Variants in ZEB1 observed in about 807,000 individuals in gnomAD.
The protein encoded by ZEB1 is zinc finger E-box binding homeobox 1.
In ZEB1, 21 loss-of-function variants were observed where a neutral mutation model predicts 84.9. That is an observed-to-expected ratio of 0.25 (90% CI 0.18 to 0.36). ZEB1 has a LOEUF of 0.36. ZEB1 is among the 10% of genes least tolerant of loss of function. The pLI is 1.00. For synonymous variants in ZEB1, 420 were observed against 471.1 expected (o/e 0.89, Z 1.41); for missense variants, 1,104 against 1,330.2 (o/e 0.83, Z 2.65).
chr10:31,526,609 AC>A, intron 8 of ZEB1, 62 bp from the exon 9 acceptor site: 1 of 1,586,652 alleles, frequency 6.3e-7, no homozygotes, highest in Non-Finnish European at 8.6e-7. Context: ...TACCCCAAAA[AC>A]CGTATAAGGA....
At position 31,473,280 on chromosome 10, in the gene ZEB1, C is replaced by T. The variant is rs1304513267; in HGVS notation, c.259+12043C>T. Among the ~76,000 whole-genome samples, 228 of 149,082 alleles carry T rather than the reference C, an allele frequency of 1.5e-3. 2 individuals are homozygous for T. The highest frequency in any genetic ancestry group is 4.7e-3 in the African/African-American group (191 of 40,322). ...GAGGAAGTCAAATTGTCCCTGTTTGCAGACGACATGATTGTATATCTAGAA... is the reference window on the plus strand; with the variant it reads ...GAGGAAGTCAAATTGTCCCTGTTTGTAGACGACATGATTGTATATCTAGAA... On this transcript the variant is annotated intron_variant, in intron 2 of 8. Coordinates refer to ENST00000424869, the MANE Select transcript of ZEB1 (RefSeq NM_001174096.2).
At chr10:31,452,742 T>TGTGTGTGTGTGAGAGAGAGA (rs1387786622) in intron 1 of ZEB1, among the ~76,000 whole-genome samples, 1 of 90,736 alleles carries the variant, frequency 1.1e-5, no homozygotes, top group African/African-American at 5.1e-5. Context: ...TGTGTGTGTG[T>TGTGTGTGTGTGAGAGAGAGA]GAGAGAGAGA....
intron 1 of ZEB1, among the ~76,000 whole-genome samples, chr10:31,402,091 TTTGTTGTTGTTGTTGTTGCTGTTGTTG>T (rs2052137699): frequency 6.6e-6 from 1 of 151,338 alleles, no homozygotes; most frequent in South Asian, 2.1e-4. Context: ...AAGTCAGTAT[TTTGTTGTTGTTGTTGTTGCTGTTGTTG>T]TTGTTGTTGT....
At chr10:31,494,801 C>T (rs1482564767) in intron 2 of ZEB1, among the ~76,000 whole-genome samples, 1 of 151,688 alleles carries the variant, frequency 6.6e-6, no homozygotes, top group Non-Finnish European at 1.5e-5. Flanking sequence ...TTTTGCTTGT[C>T]CAAAAAGTAT....
intron 1 of ZEB1, among the ~76,000 whole-genome samples, chr10:31,427,518 CTCTG>C (rs1368881692): frequency 2.6e-5 from 4 of 152,084 alleles, no homozygotes; most frequent in African/African-American, 7.2e-5. Flanking sequence ...CCTCCCTTTC[CTCTG>C]TCTGAGACAT....
chr10:31,522,417 A>T lies in ZEB1; in HGVS notation c.2604+481A>T, dbSNP rs190764483. 1.1e-4 allele frequency among the ~76,000 whole-genome samples: 17 copies of T among 152,350 alleles called. 1 individual carries two copies. The highest frequency in any genetic ancestry group is 9.8e-4 in the Admixed American group (15 of 15,302). On this transcript the variant is annotated intron_variant, in intron 7 of 8. Transcript: ENST00000424869. Reference sequence around the variant, plus strand: ...AAAAGGTTTTAATTAAATAAACAGGAATGAAGTATACAAAGAACGCATCTT... The same window carrying T: ...AAAAGGTTTTAATTAAATAAACAGGTATGAAGTATACAAAGAACGCATCTT...
chr10:31,410,531 G>A (rs996148351), intron 1 of ZEB1, among the ~76,000 whole-genome samples: 2 of 152,134 alleles, frequency 1.3e-5, no homozygotes, highest in African/African-American at 2.4e-5. Context: ...AATGAGTTAG[G>A]GAGGAGTCCC....
chr10:31,372,787 A>G (rs1049226978), intron 1 of ZEB1, among the ~76,000 whole-genome samples: 7 of 151,946 alleles, frequency 4.6e-5, no homozygotes, highest in African/African-American at 1.7e-4. Flanking sequence ...AATTTGGGTT[A>G]TAGGATAATT....
At chr10:31,486,195 G>A (rs1160463928) in intron 2 of ZEB1, among the ~76,000 whole-genome samples, 1 of 151,762 alleles carries the variant, frequency 6.6e-6, no homozygotes, top group African/African-American at 2.4e-5. Context: ...GTAAACATTA[G>A]TATACAGGTT....
chr10:31,505,192 A>G (rs906110404), intron 4 of ZEB1, among the ~76,000 whole-genome samples: 15 of 151,992 alleles, frequency 9.9e-5, no homozygotes. Flanking sequence ...GTTTGTGAAT[A>G]TTTTTTTGAG....
chr10:31,411,662 A>C (rs1364231314), intron 1 of ZEB1, among the ~76,000 whole-genome samples: 1 of 144,782 alleles, frequency 6.9e-6, no homozygotes. Context: ...AAAAAGCAGC[A>C]TTAGGAGAGA....
At chr10:31,475,295 T>A (rs148705238) in intron 2 of ZEB1, among the ~76,000 whole-genome samples, 1 of 151,444 alleles carries the variant, frequency 6.6e-6, no homozygotes, top group East Asian at 1.9e-4. Context: ...AAATACAGGA[T>A]TATGTAAAGC....
intron 1 of ZEB1, among the ~76,000 whole-genome samples, chr10:31,443,321 A>C (rs2059276187): frequency 6.7e-6 from 1 of 150,156 alleles, no homozygotes; most frequent in Non-Finnish European, 1.5e-5. Flanking sequence ...TTTTGACTTG[A>C]TTTTTTTCTG....
At chr10:31,524,160 G>A (rs2072936879) in intron 8 of ZEB1, 47 bp downstream of exon 8, 1 of 1,555,004 alleles carries the variant, frequency 6.4e-7, no homozygotes, top group Non-Finnish European at 8.8e-7. Context: ...ATGATATACT[G>A]GAAGATGCAA....
chr10:31,460,553 G>A (rs141512508), intron 1 of ZEB1, among the ~76,000 whole-genome samples: 18 of 152,096 alleles, frequency 1.2e-4, no homozygotes, highest in Admixed American at 5.3e-4. Context: ...AAGCAATATC[G>A]TATGCTGTAG....
intron 5 of ZEB1, among the ~76,000 whole-genome samples, chr10:31,513,637 A>G (rs1229757246): frequency 4.6e-5 from 7 of 152,202 alleles, no homozygotes; most frequent in Admixed American, 4.6e-4. Flanking sequence ...CTGGAAGAGC[A>G]TGAAGCAGTA....
At chr10:31,459,938 G>A (rs745669492) in intron 1 of ZEB1, among the ~76,000 whole-genome samples, 1 of 149,546 alleles carries the variant, frequency 6.7e-6, no homozygotes, top group Non-Finnish European at 1.5e-5. Context: ...TTCAAGAATT[G>A]TTGGAAAATT....
chr10:31,459,576 T>G (rs2061596546), intron 1 of ZEB1, among the ~76,000 whole-genome samples: 1 of 152,058 alleles, frequency 6.6e-6, no homozygotes, highest in South Asian at 2.1e-4. Flanking sequence ...AGAAAACCAT[T>G]TACTCTTGGG....
intron 1 of ZEB1, among the ~76,000 whole-genome samples, chr10:31,364,030 AC>A (rs1278745103): frequency 1.3e-5 from 2 of 152,150 alleles, no homozygotes; most frequent in Non-Finnish European, 2.9e-5. Context: ...GGAACAAAAT[AC>A]GCTTAGCGAG....
Sources: allele counts gnomAD v4.1 joint callset (sites outside exome capture counted in the v4.1 genomes callset), GRCh38; gene constraint gnomAD v4.1.1; transcripts MANE v1.5; gene names NCBI Gene and HGNC (gene_info 2026-07-23, HGNC 2026-07-21).